The following OXR1 variants were observed in gnomAD, a reference collection of about 807,000 sequenced individuals.
OXR1 encodes the protein oxidation resistance 1.
OXR1 carries 41 observed loss-of-function variants against 104.6 expected under a neutral mutation model. The ratio of observed to expected loss-of-function variants is 0.39; its 90% CI spans 0.31 to 0.51. The LOEUF is 0.51. Among genes scored for constraint, OXR1 ranks in the 20% least tolerant of loss-of-function variants. The pLI, the probability that OXR1 is intolerant of heterozygous loss-of-function variation, is 0.77. For synonymous variants in OXR1, 348 were observed against 348.4 expected, an observed-to-expected ratio of 1.00 and a Z score of 0.01; for missense variants, 955 against 1,031.9, an observed-to-expected ratio of 0.93 and a Z score of 1.02.
chr8:106,551,858 ATATG>A (rs1422263338), intron 3 of OXR1, among the ~76,000 whole-genome samples: 39 of 94,278 alleles, frequency 4.1e-4, no homozygotes, highest in African/African-American at 1.5e-3. Flanking sequence ...ATGTGTATAT[ATATG>A]TGTGTGTGTG....
chr8:106,719,833 T>A (rs1832668045), intron 11 of OXR1, among the ~76,000 whole-genome samples: 1 of 152,002 alleles, frequency 6.6e-6, no homozygotes, highest in Admixed American at 6.6e-5. Context: ...TGAGATGGAG[T>A]CTCCGTCTGT....
At chr8:106,529,828 AATTT>A (rs1181198604) in intron 3 of OXR1, among the ~76,000 whole-genome samples, 26 of 152,194 alleles carry the variant, frequency 1.7e-4, no homozygotes, top group African/African-American at 5.5e-4. Context: ...TATATCTGTC[AATTT>A]ATTTAATGAT....
chr8:106,537,906 A>T (rs1393030336), intron 3 of OXR1, among the ~76,000 whole-genome samples: 1 of 152,186 alleles, frequency 6.6e-6, no homozygotes, highest in Non-Finnish European at 1.5e-5. Flanking sequence ...GGGTGAAATT[A>T]TGAGAATGCT....
In OXR1 at chr8:106,671,010, A is replaced by G. The variant is rs1184282181; in HGVS notation, c.221-8200A>G. Among the ~76,000 whole-genome samples, 3 of 140,698 alleles carry G rather than the reference A, an allele frequency of 2.1e-5. No homozygotes were observed. The East Asian group carries it at 6.1e-4, about 29-fold the overall frequency. The allele number at this position is 140,698 out of a possible 152,430, so 92.3% of individuals were successfully genotyped here. On this transcript the variant is annotated intron_variant, in intron 3 of 16. Transcript: ENST00000517566. ...TAGTGAGCCAAAATTGCACCTCTGC[A>G]CTCCAGCCTGGGTGACAGAGTGAGA...
At chr8:106,465,595 C>T (rs949320448) in intron 2 of OXR1, among the ~76,000 whole-genome samples, 3 of 151,718 alleles carry the variant, frequency 2.0e-5, no homozygotes, top group Non-Finnish European at 4.4e-5. Flanking sequence ...GATGAGAAGT[C>T]GTCAAATTAT....
intron 2 of OXR1, among the ~76,000 whole-genome samples, chr8:106,381,116 G>A (rs928668805): frequency 3.3e-5 from 5 of 152,138 alleles, no homozygotes; most frequent in African/African-American, 1.2e-4. Flanking sequence ...AGGAAAGAGA[G>A]TTTCCATAAA....
chr8:106,630,626 GT>G (rs1822596527), intron 3 of OXR1, among the ~76,000 whole-genome samples: 1 of 152,170 alleles, frequency 6.6e-6, no homozygotes, highest in Non-Finnish European at 1.5e-5. Flanking sequence ...GGGGAAGCGG[GT>G]TGTTTACACA....
intron 3 of OXR1, among the ~76,000 whole-genome samples, chr8:106,654,108 T>C (rs1033816944): frequency 6.6e-6 from 1 of 152,080 alleles, no homozygotes; most frequent in Non-Finnish European, 1.5e-5. Context: ...TTATAGAAGA[T>C]ATAGCAATAC....
At chr8:106,742,781 A>G (rs542005725) in intron 15 of OXR1, among the ~76,000 whole-genome samples, 4 of 152,146 alleles carry the variant, frequency 2.6e-5, no homozygotes, top group Admixed American at 1.3e-4. Context: ...TCCGTAAACC[A>G]TATACAAACA....
intron 1 of OXR1, among the ~76,000 whole-genome samples, chr8:106,294,717 TCACCTCC>T (rs1812918087): frequency 6.6e-6 from 1 of 152,108 alleles, no homozygotes; most frequent in African/African-American, 2.4e-5. Flanking sequence ...GCCTCCATGA[TCACCTCC>T]CACCAGGCCC....
chr8:106,291,339 GC>G (rs1396888838), intron 1 of OXR1, among the ~76,000 whole-genome samples: 2 of 152,092 alleles, frequency 1.3e-5, no homozygotes, highest in African/African-American at 4.8e-5. Flanking sequence ...TGGGTATTGT[GC>G]TCACTACATG....
intron 3 of OXR1, among the ~76,000 whole-genome samples, chr8:106,528,984 A>G (rs1029688527): frequency 6.6e-6 from 1 of 152,216 alleles, no homozygotes; most frequent in African/African-American, 2.4e-5. Context: ...TGACAGTTTG[A>G]TGGCTTTTTA....
At chr8:106,377,582 A>G (rs938259874) in intron 2 of OXR1, among the ~76,000 whole-genome samples, 2 of 152,196 alleles carry the variant, frequency 1.3e-5, no homozygotes, top group Non-Finnish European at 2.9e-5. Flanking sequence ...AGTATAGCAT[A>G]AGGAGTTCAT....
chr8:106,329,350 CTT>C (rs773206309), intron 1 of OXR1, among the ~76,000 whole-genome samples: 10 of 137,694 alleles, frequency 7.3e-5, no homozygotes, highest in Admixed American at 7.3e-5. Context: ...CTCATTGACA[CTT>C]TTTTTTTTTT....
intron 3 of OXR1, among the ~76,000 whole-genome samples, chr8:106,663,115 G>A (rs1825935795): frequency 6.6e-6 from 1 of 152,064 alleles, no homozygotes; most frequent in Non-Finnish European, 1.5e-5. Context: ...CAGATAAGTG[G>A]TACTCAGCCT....
rs927959151 is a variant in OXR1, at chr8:106,373,443, C to T, written c.23+13807C>T. On this transcript the variant is annotated intron_variant, in intron 2 of 16. Coordinates refer to ENST00000517566, the MANE Select transcript of OXR1 (RefSeq NM_001198533.2). The stretch of plus-strand genomic sequence containing the variant: ...GTATAACACAGTACCCATCCAGGTG[C>T]TAACATGTTATGGAGAGAATGTTGG... 2.0e-5 allele frequency among the ~76,000 whole-genome samples: 3 copies of T among 152,182 alleles called. No homozygotes were observed. In the South Asian group the frequency reaches 6.2e-4, roughly 32 times the overall value.
intron 2 of OXR1, among the ~76,000 whole-genome samples, chr8:106,453,942 G>A (rs763354075): frequency 3.1e-4 from 47 of 151,968 alleles, no homozygotes; most frequent in Non-Finnish European, 2.2e-4. Flanking sequence ...ATTAAACTAA[G>A]GCACAAAGCA....
intron 2 of OXR1, among the ~76,000 whole-genome samples, chr8:106,404,918 G>A (rs763822315): frequency 1.1e-4 from 17 of 151,860 alleles, no homozygotes; most frequent in Non-Finnish European, 2.4e-4. Context: ...CGTTAACCTG[G>A]ATGGTCTCGA....
chr8:106,447,629 A>G (rs575284122), intron 2 of OXR1, among the ~76,000 whole-genome samples: 1 of 152,316 alleles, frequency 6.6e-6, no homozygotes, highest in South Asian at 2.1e-4. Context: ...GTCAATATCA[A>G]TATACTTGTG....
Sources: gnomAD v4.1 joint callset for allele counts (sites outside exome capture counted in the v4.1 genomes callset) on GRCh38, gnomAD v4.1.1 for gene constraint, MANE v1.5 for transcripts, NCBI Gene and HGNC (gene_info 2026-07-23, HGNC 2026-07-21) for gene names.